Variants in IQSEC2 observed in about 807,000 individuals in gnomAD.
IQSEC2 encodes the protein IQ motif and Sec7 domain ArfGEF 2, also known as IQ motif and SEC7 domain-containing protein 2.
A neutral mutation model predicts 74.6 loss-of-function variants in IQSEC2; 6 were observed. The ratio of observed to expected loss-of-function variants is 0.08; its 90% CI spans 0.04 to 0.16. IQSEC2 has a LOEUF of 0.16. Ranked by LOEUF, IQSEC2 falls within the 10% of genes least tolerant of loss-of-function variation. The probability of loss-of-function intolerance (pLI) is 1.00; values close to 1 mark genes in which losing one functional copy is unlikely to be tolerated. For missense variants in IQSEC2, 734 were observed against 1,306.2 expected (o/e 0.56, Z 6.75); for synonymous variants, 494 against 544.5 (o/e 0.91, Z 1.29).
intron 4 of IQSEC2, 51 bp downstream of exon 4, chrX:53,254,479 G>T (rs782542835): frequency 8.8e-7 from 1 of 1,140,424 alleles, no homozygotes; most frequent in Non-Finnish European, 1.2e-6. Flanking sequence ...AGTAGCAGGA[G>T]TAGCCAGAAC....
downstream of IQSEC2, chrX:53,231,686 T>C (rs1327832837): frequency 9.0e-6 from 1 of 111,599 alleles, no homozygotes; most frequent in Non-Finnish European, 1.9e-5. Flanking sequence ...AGAATCAAGT[T>C]GAAGGTGGGG....
rs61745228 is a variant in IQSEC2 at position 53,250,935 on chromosome X, C to T, written c.1641G>A (p.Ala547=). The change falls in exon 5 of 15, where the codon GCG becomes GCA. Residue 547 remains alanine, a synonymous_variant. Transcript: ENST00000642864. ...PPPQGRPEFW[A]PAPLPPVPPP... ...GAGGAACTGGCGGGAGAGGGGCTGG[C>T]GCCCAGAACTCGGGCCGGCCCTGGG... 4,670 of 1,199,171 alleles carry T rather than the reference C, an allele frequency of 3.9e-3. 108 individuals are homozygous for T. In the African/African-American group the frequency reaches 0.07, roughly 18 times the overall value.
chrX:53,320,829 G>T lies in IQSEC2; in HGVS notation c.295C>A (p.His99Asn). 4 of 1,164,609 alleles carry T rather than the reference G, an allele frequency of 3.4e-6. No individual in the cohort carries two copies. ...YQNLRETQFHHRELRESQFHQ... is the reference protein window; with the variant it reads ...YQNLRETQFHNRELRESQFHQ... ...AACTGGCTCTCCCGCAGCTCGCGGT[G>T]GTGGAACTGGGTCTCGCGCAGGTTC... Residue 99 changes from histidine (H) to asparagine (N), a missense_variant, in exon 1 of 15, where the codon CAC (histidine) becomes AAC (asparagine). By Grantham distance (68) the His-to-Asn change is moderately conservative. Coordinates refer to ENST00000642864, the MANE Select transcript of IQSEC2 (RefSeq NM_001111125.3).
chrX:53,257,126 G>A (rs1307633616), intron 2 of IQSEC2, among the ~76,000 whole-genome samples: 2 of 111,822 alleles, frequency 1.8e-5, no homozygotes, highest in Non-Finnish European at 3.8e-5. Context: ...GGGACCCAGA[G>A]AATGGTCTCA....
At chrX:53,319,893 T>C (rs1231070496) in intron 1 of IQSEC2, among the ~76,000 whole-genome samples, 1 of 109,170 alleles carries the variant, frequency 9.2e-6, no homozygotes, top group Non-Finnish European at 1.9e-5. Context: ...TTCAGAGGGA[T>C]GTCTCAGCCT....
chrX:53,262,686 T>C (rs1225927300), intron 2 of IQSEC2, among the ~76,000 whole-genome samples: 1 of 111,655 alleles, frequency 9.0e-6, no homozygotes, highest in Non-Finnish European at 1.9e-5. Context: ...AATCCCAGTG[T>C]CACAGGGATC....
intron 1 of IQSEC2, among the ~76,000 whole-genome samples, chrX:53,293,526 C>T (rs1477030966): frequency 8.9e-6 from 1 of 111,937 alleles, no homozygotes; most frequent in Non-Finnish European, 1.9e-5. Flanking sequence ...AGGCCTGGCC[C>T]AATTATTCTC....
chrX:53,312,759 A>G (rs950657214), intron 1 of IQSEC2, among the ~76,000 whole-genome samples: 4 of 112,068 alleles, frequency 3.6e-5, no homozygotes, highest in Admixed American at 9.5e-5. Context: ...AATGTGGGGG[A>G]AGAGCCAAGT....
downstream of IQSEC2, chrX:53,230,856 C>T (rs2074061396): frequency 9.0e-6 from 1 of 111,717 alleles, no homozygotes; most frequent in African/African-American, 3.3e-5. Flanking sequence ...CCTCCACAGT[C>T]TGGACAGTGC....
rs782545710 is a variant in IQSEC2, at chrX:53,243,481, G to A, written c.2750-10C>T. On this transcript the variant is annotated splice_polypyrimidine_tract_variant and intron_variant, in intron 8 of 14. Coordinates refer to ENST00000642864, the MANE Select transcript of IQSEC2 (RefSeq NM_001111125.3). ...TCACCATTGTCAACCCCTGGGGGAG[G>A]GAGTAACACAGGGATATGTCACATA... 4.3e-6 allele frequency: 5 copies of A among 1,169,346 alleles called. No individual in the cohort carries two copies. The South Asian group carries it at 9.6e-5, about 22-fold the overall frequency.
At chrX:53,289,158 C>CA (rs1556872459) in intron 2 of IQSEC2, among the ~76,000 whole-genome samples, 2 of 105,505 alleles carry the variant, frequency 1.9e-5, no homozygotes, top group East Asian at 5.9e-4. Flanking sequence ...ACCTCCCTAG[C>CA]CCTTCCCCCT....
At chrX:53,282,616 G>C (rs1338489972) in intron 2 of IQSEC2, among the ~76,000 whole-genome samples, 1 of 112,074 alleles carries the variant, frequency 8.9e-6, no homozygotes, top group Non-Finnish European at 1.9e-5. Context: ...CTGCCTCCCT[G>C]CTGGGGCAGC....
chrX:53,302,874 G>A (rs1380932971), intron 1 of IQSEC2, among the ~76,000 whole-genome samples: 1 of 111,767 alleles, frequency 8.9e-6, no homozygotes, highest in Admixed American at 9.5e-5. Flanking sequence ...GTCGAGACCA[G>A]CCTGGGCAAC....
At chrX:53,266,021 T>C (rs116563489) in intron 2 of IQSEC2, among the ~76,000 whole-genome samples, 1,931 of 112,273 alleles carry the variant, frequency 0.017, 41 homozygotes, top group African/African-American at 0.059. Context: ...TCATAGCTTC[T>C]TAAAACTGTA....
intron 1 of IQSEC2, among the ~76,000 whole-genome samples, chrX:53,295,557 T>C (rs1348076784): frequency 1.1e-5 from 1 of 92,696 alleles, no homozygotes; most frequent in Non-Finnish European, 2.0e-5. Context: ...TGAGCCGAGA[T>C]TGCACCACTG....
chrX:53,266,919 G>A, intron 2 of IQSEC2: 1 of 1,141,323 alleles, frequency 8.8e-7, no homozygotes, highest in Non-Finnish European at 1.2e-6. Context: ...GGAGGGGCTG[G>A]TTAAGGCTTT....
At chrX:53,278,351 A>G (rs1039505375) in intron 2 of IQSEC2, among the ~76,000 whole-genome samples, 2 of 110,873 alleles carry the variant, frequency 1.8e-5, no homozygotes, top group Non-Finnish European at 3.8e-5. Flanking sequence ...TCTCCTTAGA[A>G]TCTATGGTTA....
chrX:53,263,862 C>G lies in IQSEC2; in HGVS notation c.738-7801G>C, dbSNP rs781823219. Among the ~76,000 whole-genome samples, 84 of 112,764 alleles carry G rather than the reference C, an allele frequency of 7.4e-4. 1 individual carries two copies. Among genetic ancestry groups the G allele is most frequent in the Middle Eastern group, 4.6e-3 (1 of 218 alleles). On this transcript the variant is annotated intron_variant, in intron 2 of 14. Coordinates refer to ENST00000642864, the MANE Select transcript of IQSEC2 (RefSeq NM_001111125.3). ...GTGTCCGTCTCCCACCCCACACCCC[C>G]GTCCTGTTTCCCAAGGGCAGCGGCC... is the stretch of plus-strand genomic sequence containing the variant.
At chrX:53,270,316 A>G (rs1217657310) in intron 2 of IQSEC2, among the ~76,000 whole-genome samples, 2 of 110,703 alleles carry the variant, frequency 1.8e-5, no homozygotes, top group African/African-American at 3.3e-5. Context: ...TGTTGCCCCT[A>G]CCATCTCATC....
Sources: allele counts gnomAD v4.1 joint callset (sites outside exome capture counted in the v4.1 genomes callset), GRCh38; gene constraint gnomAD v4.1.1; transcripts MANE v1.5; gene names NCBI Gene and HGNC (gene_info 2026-07-23, HGNC 2026-07-21).